The following MICALL2 variants were observed in gnomAD, a reference collection of about 807,000 sequenced individuals.
MICALL2 encodes MICAL-like protein 2.
A neutral mutation model predicts 91.1 loss-of-function variants in MICALL2; 111 were observed. The ratio of observed to expected loss-of-function variants is 1.22; its 90% CI spans 1.04 to 1.43. MICALL2 has a LOEUF of 1.43. MICALL2 is among the 40% of genes most tolerant of loss of function. MICALL2 has a pLI of 0.00. For synonymous variants in MICALL2, 694 were observed against 525.3 expected, an observed-to-expected ratio of 1.32 and a Z score of -4.39; for missense variants, 1,556 against 1,236.0, an observed-to-expected ratio of 1.26 and a Z score of -3.88.
chr7:1,442,792 C>T (rs994233052), intron 6 of MICALL2, among the ~76,000 whole-genome samples: 1 of 152,216 alleles, frequency 6.6e-6, no homozygotes, highest in Non-Finnish European at 1.5e-5. Context: ...GATTCTCCTC[C>T]CCTGTGAAAT....
intron 11 of MICALL2, 30 bp from the exon 12 acceptor site, chr7:1,438,250 G>A: frequency 6.3e-7 from 1 of 1,588,948 alleles, no homozygotes; most frequent in Non-Finnish European, 8.6e-7. Flanking sequence ...GAGGATGCCG[G>A]AGGGCTGGGC....
chr7:1,438,955 G>C lies in MICALL2; in HGVS notation c.2007C>G (p.Val669=), dbSNP rs1231769952. The C allele has an allele frequency of 6.2e-7, 1 of 1,602,942 alleles. No individual in the cohort carries two copies. The highest frequency in any genetic ancestry group is 8.5e-7 in the Non-Finnish European group (1 of 1,179,240). The change falls in exon 10 of 17, where the codon GTC becomes GTG. Residue 669 remains valine (V), a synonymous_variant. Coordinates refer to ENST00000297508, the MANE Select transcript of MICALL2 (RefSeq NM_182924.4). ...TGTCACAAACGTCGAGGCTGGCAGGGACGGCCAGTCTCCTGCGGCGGGGTG... is the reference window on the plus strand; with the variant it reads ...TGTCACAAACGTCGAGGCTGGCAGGCACGGCCAGTCTCCTGCGGCGGGGTG... ...PSPPRRRRLA[V]PASLDVCDNW...
intron 3 of MICALL2, 130 bp from the exon 4 acceptor site, chr7:1,447,895 G>C (rs1045729901): frequency 1.5e-6 from 1 of 676,146 alleles, no homozygotes; most frequent in Non-Finnish European, 2.3e-6. Flanking sequence ...GGGCTGGGGA[G>C]AGGTAACCCT....
intron 9 of MICALL2, chr7:1,439,243 C>G: frequency 1.9e-6 from 1 of 516,422 alleles, no homozygotes; most frequent in Non-Finnish European, 3.5e-6. Flanking sequence ...GGCACGAGAG[C>G]TGGATATGGA....
Position 1,437,563 on chromosome 7 carries a change from G to T in MICALL2, c.2448C>A (p.Gly816=). The part of the protein sequence containing the change: ...RLEEQQLDIE[G]ELRRLMAKPE... ...GCTTGGCCATGAGCCGGCGCAGCTC[G>T]CCCTCGATGTCCAGCTGCTGCTCCT... is the stretch of plus-strand genomic sequence containing the variant. Residue 816 remains glycine, a synonymous_variant, in exon 14 of 17, where the codon GGC becomes GGA. Coordinates refer to ENST00000297508, the MANE Select transcript of MICALL2 (RefSeq NM_182924.4). 1.3e-6 allele frequency: 2 copies of T among 1,533,226 alleles called. No homozygotes were observed. Among genetic ancestry groups the T allele is most frequent in the Non-Finnish European group, 8.7e-7 (1 of 1,145,042 alleles). The allele number at this position is 1,533,226 out of a possible 1,614,324, so 95.0% of individuals were successfully genotyped here. A position where few individuals can be genotyped will look rare whatever the true frequency, so the allele number is the denominator to read the frequency against.
rs1299405653 is a variant in MICALL2, at chr7:1,440,014, C to T, written c.1877G>A (p.Gly626Asp). Residue 626 changes from glycine to aspartate, a missense_variant, in exon 9 of 17, where the codon GGC becomes GAC. Gly to Asp is a moderately conservative substitution (Grantham distance 94). Transcript: ENST00000297508. ...GATGTGGACACTCCCAGCAAAGCTG[C>T]CTGAGACCTTCCTGGGGGCCTCCCC... ...RAGEAPRKVS[G>D]SFAGSVHITL... 6 of 1,565,628 alleles carry T rather than the reference C, an allele frequency of 3.8e-6. No homozygotes were observed. The highest frequency in any genetic ancestry group is 8.6e-7 in the Non-Finnish European group (1 of 1,165,228).
chr7:1,459,447 G>T lies in MICALL2; in HGVS notation c.-121C>A. ...GCTACGGAACCGCCAGACCCACGGCGCCCAGCCCCAGCTGAGCCGGACTGA... is the reference window on the plus strand; with the variant it reads ...GCTACGGAACCGCCAGACCCACGGCTCCCAGCCCCAGCTGAGCCGGACTGA... On this transcript the variant is annotated 5_prime_UTR_variant, in exon 1 of 17. Coordinates refer to ENST00000297508, the MANE Select transcript of MICALL2 (RefSeq NM_182924.4). 1.0e-6 allele frequency: 1 copy of T among 977,532 alleles called. No homozygotes were observed. Among genetic ancestry groups the T allele is most frequent in the Non-Finnish European group, 1.4e-6 (1 of 728,678 alleles). 60.6% of individuals were successfully genotyped at this position (977,532 alleles called of 1,614,324 possible).
At chr7:1,437,119 T>C in intron 14 of MICALL2, 1 of 477,338 alleles carries the variant, frequency 2.1e-6, no homozygotes. Context: ...GCTCAGGGCG[T>C]CGCTGTCCCT....
chr7:1,445,960 G>A (rs556904635), intron 5 of MICALL2, among the ~76,000 whole-genome samples: 1 of 151,322 alleles, frequency 6.6e-6, no homozygotes, highest in Non-Finnish European at 1.5e-5. Flanking sequence ...GGGAAGGGCT[G>A]AGGCACAGAA....
rs1033786798 is a variant in MICALL2 at position 1,436,681 on chromosome 7, C to T, written c.2591+61G>A. The T allele has an allele frequency of 3.3e-5, 44 of 1,317,026 alleles. No homozygotes were observed. In the Admixed American group the frequency reaches 4.8e-4, roughly 15 times the overall value. 81.6% of individuals were successfully genotyped at this position (1,317,026 alleles called of 1,614,324 possible). Reference sequence around the variant, plus strand: ...TACGGGGCTGGCTGACCCTGAGGGCCGGGAGCATGGACCAGGCGACCTGGC... The same window carrying T: ...TACGGGGCTGGCTGACCCTGAGGGCTGGGAGCATGGACCAGGCGACCTGGC... On this transcript the variant is annotated intron_variant, in intron 15 of 16. Transcript: ENST00000297508.
At chr7:1,439,543 A>G (rs529869384) in intron 9 of MICALL2, 1 of 213,090 alleles carries the variant, frequency 4.7e-6, no homozygotes, top group African/African-American at 2.3e-5. Context: ...ATGGACACGC[A>G]TCACACATGT....
chr7:1,444,983 CGG>C lies in MICALL2; in HGVS notation c.1085_1086del (p.Pro362ArgfsTer57), dbSNP rs35692952. 3.3e-6 allele frequency: 5 copies of C among 1,506,424 alleles called. No homozygotes were observed. The highest frequency in any genetic ancestry group is 4.4e-6 in the Non-Finnish European group (5 of 1,126,880). The allele number at this position is 1,506,424 out of a possible 1,614,324, so 93.3% of individuals were successfully genotyped here. ...APCTAAAASH[P>X]AVPPSAPDPR... ...GGGTCTGGGGCACTCGGGGGCACGG[CGG>C]GATGGGAGGCAGCCGCTGCTGTGCA... On this transcript the variant is annotated frameshift_variant, in exon 6 of 17. Coordinates refer to ENST00000297508, the MANE Select transcript of MICALL2 (RefSeq NM_182924.4). LOFTEE classifies it high-confidence loss of function.
chr7:1,437,425 A>G, intron 14 of MICALL2, 110 bp downstream of exon 14: 6 of 951,686 alleles, frequency 6.3e-6, no homozygotes, highest in Non-Finnish European at 7.5e-6. Flanking sequence ...GCTCCAGGGA[A>G]GGTCTCACCA....
At chr7:1,444,603 C>A (rs2128522260) in intron 6 of MICALL2, 49 bp downstream of exon 6, 1 of 1,562,662 alleles carries the variant, frequency 6.4e-7, no homozygotes, top group East Asian at 2.3e-5. Context: ...GCCCCGCTGG[C>A]TGGTGCAAAG....
chr7:1,437,161 G>A (rs369433173), intron 14 of MICALL2: 48 of 474,222 alleles, frequency 1.0e-4, no homozygotes, highest in Middle Eastern at 5.4e-4. Flanking sequence ...AGAGGCAGAC[G>A]GCCTGGGCCT....
Position 1,437,559 on chromosome 7 carries a change from GCTC to G in MICALL2, c.2449_2451del (p.Glu817del). On this transcript the variant is annotated inframe_deletion, in exon 14 of 17. Coordinates refer to ENST00000297508, the MANE Select transcript of MICALL2 (RefSeq NM_182924.4). ...CCGGGCTTGGCCATGAGCCGGCGCA[GCTC>G]GCCCTCGATGTCCAGCTGCTGCTCC... is the stretch of plus-strand genomic sequence containing the variant. The G allele has an allele frequency of 6.5e-7, 1 of 1,532,978 alleles. No individual in the cohort carries two copies. Among genetic ancestry groups the G allele is most frequent in the Non-Finnish European group, 8.7e-7 (1 of 1,145,036 alleles). 95.0% of individuals were successfully genotyped at this position (1,532,978 alleles called of 1,614,324 possible).
In MICALL2 at chr7:1,452,222, C is replaced by T. The variant is rs111948586; in HGVS notation, c.144-1934G>A. 1.8e-4 allele frequency among the ~76,000 whole-genome samples: 27 copies of T among 152,292 alleles called. No homozygotes were observed. Among genetic ancestry groups the T allele is most frequent in the East Asian group, 1.5e-3 (8 of 5,176 alleles). Reference sequence around the variant, plus strand: ...GACTCCTCTCCGTGTGGACAGATGACGAGGAGCCCCCTCCCTGGGCTCAGT... The same window carrying T: ...GACTCCTCTCCGTGTGGACAGATGATGAGGAGCCCCCTCCCTGGGCTCAGT... On this transcript the variant is annotated intron_variant, in intron 1 of 16. Coordinates refer to ENST00000297508, the MANE Select transcript of MICALL2 (RefSeq NM_182924.4). This position sits in a 1 kb window ranked among gnomAD's most constrained non-coding sequence, Gnocchi z 6.2.
chr7:1,439,747 CACACACATGCACACATGT>C (rs1305616665), intron 9 of MICALL2, 160 bp downstream of exon 9: 16 of 469,224 alleles, frequency 3.4e-5, no homozygotes, highest in Admixed American at 2.1e-4. Context: ...ACACATGCAT[CACACACATGCACACATGT>C]ACACACAAGC....
chr7:1,448,485 C>T lies in MICALL2; in HGVS notation c.334+135G>A, dbSNP rs1166620921. 43 of 800,884 alleles carry T rather than the reference C, an allele frequency of 5.4e-5. No homozygotes were observed. In the East Asian group the frequency reaches 1.0e-3, roughly 19 times the overall value. 49.6% of individuals were successfully genotyped at this position (800,884 alleles called of 1,614,324 possible). ...TTGCTGCTTCACAGCCAGTGCACAG[C>T]CCCGGTGCCCATGCCAGGGGCCATT... On this transcript the variant is annotated intron_variant, in intron 3 of 16. Coordinates refer to ENST00000297508, the MANE Select transcript of MICALL2 (RefSeq NM_182924.4).
Sources: allele counts gnomAD v4.1 joint callset (sites outside exome capture counted in the v4.1 genomes callset), GRCh38; gene constraint gnomAD v4.1.1; non-coding constraint Gnocchi (gnomAD v3.1); transcripts MANE v1.5; gene names NCBI Gene and HGNC (gene_info 2026-07-23, HGNC 2026-07-21).